The following HS2ST1 variants were observed in gnomAD, a reference collection of about 807,000 sequenced individuals.
HS2ST1 encodes the protein 2-O-sulfotransferase.
Under a neutral mutation model 42.9 loss-of-function variants are expected in HS2ST1, and 18 were observed. That is an observed-to-expected ratio of 0.42 (90% confidence interval 0.29 to 0.62). The LOEUF (loss-of-function observed/expected upper bound fraction) is 0.62, where lower values mean the gene tolerates loss of function less well. Ranked by LOEUF, HS2ST1 falls within the 20% of genes least tolerant of loss-of-function variation. HS2ST1 has a pLI of 0.21. For synonymous variants in HS2ST1, 146 were observed against 152.9 expected (o/e 0.95, Z 0.33); for missense variants, 334 against 433.8 (o/e 0.77, Z 2.04).
intron 1 of HS2ST1, chr1:87,046,466 TC>T: frequency 1.9e-6 from 2 of 1,062,520 alleles, no homozygotes; most frequent in South Asian, 2.5e-5. Flanking sequence ...TAAACGTATT[TC>T]CACTAAGGAA....
chr1:87,013,676 A>G (rs1184571846), intron 1 of HS2ST1, among the ~76,000 whole-genome samples: 1 of 152,202 alleles, frequency 6.6e-6, no homozygotes, highest in Non-Finnish European at 1.5e-5. Context: ...TTGCATTGTC[A>G]GGCTGCTGAT....
chr1:87,073,297 A>G (rs891462268), intron 2 of HS2ST1, 125 bp downstream of exon 2: 5 of 700,122 alleles, frequency 7.1e-6, no homozygotes, highest in African/African-American at 5.3e-5. Context: ...TAAGCCTTTT[A>G]GGGGAGAGGG....
intron 1 of HS2ST1, among the ~76,000 whole-genome samples, chr1:86,967,057 G>A (rs1057292217): frequency 2.3e-4 from 35 of 151,868 alleles, no homozygotes; most frequent in Non-Finnish European, 4.0e-4. Flanking sequence ...ATGCCCAGCC[G>A]GTTTTGCATT....
intron 1 of HS2ST1, among the ~76,000 whole-genome samples, chr1:87,068,865 T>A (rs932555727): frequency 8.6e-5 from 13 of 151,858 alleles, no homozygotes; most frequent in Admixed American, 2.6e-4. Context: ...TTATTTAAAA[T>A]TTTTTTTTAA....
intron 6 of HS2ST1, among the ~76,000 whole-genome samples, chr1:87,103,791 T>C (rs1306176076): frequency 6.6e-6 from 1 of 152,174 alleles, no homozygotes; most frequent in African/African-American, 2.4e-5. Context: ...GTAGAAATAG[T>C]GGAATGATAC....
intron 1 of HS2ST1, chr1:86,934,712 G>A (rs1429345755): frequency 1.3e-5 from 2 of 152,162 alleles, no homozygotes; most frequent in Admixed American, 6.6e-5. Flanking sequence ...CGGATCACCA[G>A]GTCAGGAGAT....
At chr1:87,036,785 T>C (rs1412553563) in intron 1 of HS2ST1, among the ~76,000 whole-genome samples, 1 of 152,144 alleles carries the variant, frequency 6.6e-6, no homozygotes, top group African/African-American at 2.4e-5. Context: ...ATTTGCTGAA[T>C]GAATGAATGA....
intron 1 of HS2ST1, among the ~76,000 whole-genome samples, chr1:87,032,932 T>C (rs1005462344): frequency 6.6e-6 from 1 of 152,182 alleles, no homozygotes; most frequent in Non-Finnish European, 1.5e-5. Flanking sequence ...TTGCAAAAAA[T>C]AGTTTTCTTC....
chr1:86,930,880 CAG>C (rs1660527901), intron 1 of HS2ST1, among the ~76,000 whole-genome samples: 1 of 151,858 alleles, frequency 6.6e-6, no homozygotes, highest in Admixed American at 6.6e-5. Context: ...AGAGATGAGG[CAG>C]AGAGGTGAAG....
intron 4 of HS2ST1, among the ~76,000 whole-genome samples, chr1:87,092,918 A>G (rs530082727): frequency 4.6e-5 from 7 of 152,110 alleles, no homozygotes; most frequent in African/African-American, 1.7e-4. Flanking sequence ...TTATGGTTCT[A>G]TTAACAATTT....
At position 87,107,873 on chromosome 1, in the gene HS2ST1, T is replaced by C. The variant is rs975444953; in HGVS notation, c.*3177T>C. The C allele has an allele frequency of 2.4e-4, 37 of 152,216 alleles. No homozygotes were observed. Among genetic ancestry groups the C allele is most frequent in the African/African-American group, 8.9e-4 (37 of 41,572 alleles). The allele number at this position is 152,216 out of a possible 1,614,324, so 9.4% of individuals were successfully genotyped here. ...CTTAAGATATTGCATGGGGATTACT[T>C]TCCTATCATCCATATGCATTTGTGC... On this transcript the variant is annotated 3_prime_UTR_variant, in exon 7 of 7. Transcript: ENST00000370550.
At chr1:86,931,497 A>T (rs1660539230) in intron 1 of HS2ST1, among the ~76,000 whole-genome samples, 1 of 152,202 alleles carries the variant, frequency 6.6e-6, no homozygotes, top group South Asian at 2.1e-4. Context: ...GCAGCCTTTT[A>T]TTTAAGGAGC....
intron 1 of HS2ST1, among the ~76,000 whole-genome samples, chr1:87,066,696 G>A (rs1011725231): frequency 2.6e-5 from 4 of 151,992 alleles, no homozygotes; most frequent in African/African-American, 7.3e-5. Context: ...TCTGCATTAG[G>A]TATTTCTCTT....
chr1:87,015,631 A>T (rs1570486877), intron 1 of HS2ST1, among the ~76,000 whole-genome samples: 1 of 151,588 alleles, frequency 6.6e-6, no homozygotes, highest in Non-Finnish European at 1.5e-5. Flanking sequence ...GGCATGAGCC[A>T]CTGTGCCCAG....
In HS2ST1 at chr1:86,922,836, GGTTT is replaced by G. The variant is rs1466595326; in HGVS notation, c.124+7680_124+7683del. On this transcript the variant is annotated intron_variant, in intron 1 of 6. Transcript: ENST00000370550. Reference sequence around the variant, plus strand: ...CTTGTATTATGTTTCTTGTGCCTGGGGTTTGTTGAGCTTCTTGGATCTGTGAGTT... The same window carrying G: ...CTTGTATTATGTTTCTTGTGCCTGGGGTTGAGCTTCTTGGATCTGTGAGTT... Among the ~76,000 whole-genome samples the G allele has an allele frequency of 2.6e-5, 4 of 151,924 alleles. No individual in the cohort carries two copies. The East Asian group carries it at 7.7e-4, about 29-fold the overall frequency.
At chr1:86,982,668 C>A (rs1430158721) in intron 1 of HS2ST1, among the ~76,000 whole-genome samples, 1 of 152,036 alleles carries the variant, frequency 6.6e-6, no homozygotes, top group Non-Finnish European at 1.5e-5. Flanking sequence ...GCGCCCACCA[C>A]CACGCCCGGC....
At position 87,052,496 on chromosome 1, in the gene HS2ST1, T is replaced by G. The variant is rs148765350; in HGVS notation, c.125-20438T>G. ...GCAATGACCATGATTCAGAATTAAT[T>G]AATGTTGCATTTTCACAGGGTTTTG... On this transcript the variant is annotated intron_variant, in intron 1 of 6. Coordinates refer to ENST00000370550, the MANE Select transcript of HS2ST1 (RefSeq NM_012262.4). Among the ~76,000 whole-genome samples, 706 of 152,324 alleles carry G rather than the reference T, an allele frequency of 4.6e-3. 4 individuals carry two copies. The highest frequency in any genetic ancestry group is 0.02 in the Middle Eastern group (6 of 294).
At chr1:87,029,718 A>G (rs986779790) in intron 1 of HS2ST1, among the ~76,000 whole-genome samples, 4 of 152,232 alleles carry the variant, frequency 2.6e-5, no homozygotes, top group Non-Finnish European at 5.9e-5. Context: ...TCATACAAGA[A>G]CAAAAAGAAG....
chr1:86,996,035 C>T (rs997838025), intron 1 of HS2ST1, among the ~76,000 whole-genome samples: 12 of 151,976 alleles, frequency 7.9e-5, no homozygotes, highest in African/African-American at 2.9e-4. Flanking sequence ...AACTCTTAAG[C>T]TCTAAAAAGA....
Sources: gnomAD v4.1 joint callset for allele counts (sites outside exome capture counted in the v4.1 genomes callset) on GRCh38, gnomAD v4.1.1 for gene constraint, MANE v1.5 for transcripts, NCBI Gene and HGNC (gene_info 2026-07-23, HGNC 2026-07-21) for gene names.